GABRR3: variants seen among roughly 807,000 people sequenced by gnomAD.
GABRR3 encodes gamma-aminobutyric acid receptor subunit rho-3.
A neutral mutation model predicts 43.2 loss-of-function variants in GABRR3; 29 were observed. That is an observed-to-expected ratio of 0.67 (90% confidence interval 0.50 to 0.92). The LOEUF (loss-of-function observed/expected upper bound fraction) is 0.92, where lower values mean the gene tolerates loss of function less well. GABRR3 is among the 40% of genes least tolerant of loss of function. The pLI is 0.00. For synonymous variants in GABRR3, 206 were observed against 195.9 expected (o/e 1.05, Z -0.43); for missense variants, 576 against 572.3 (o/e 1.01, Z -0.07).
chr3:97,998,456 G>T (rs758554376), intron 8 of GABRR3: 20 of 152,102 alleles, frequency 1.3e-4, no homozygotes, highest in Non-Finnish European at 2.1e-4. Context: ...CCAATGGATT[G>T]TAATCAAAAG....
At chr3:98,008,967 T>G in exon 6 of GABRR3, 1 of 1,602,404 alleles carries the variant, frequency 6.2e-7, no homozygotes, top group Non-Finnish European at 8.5e-7. Context: ...GCTTTCCAGT[T>G]CAAGAGAACA....
At chr3:97,987,019 A>G in intron 9 of GABRR3, 37 bp from the exon 10 acceptor site, 1 of 1,341,640 alleles carries the variant, frequency 7.5e-7, no homozygotes, top group East Asian at 2.5e-5. Context: ...GGTCTTGAAT[A>G]TGGTTTTACA....
intron 3 of GABRR3, among the ~76,000 whole-genome samples, chr3:98,024,347 A>T (rs1220447872): frequency 7.0e-6 from 1 of 143,312 alleles, no homozygotes; most frequent in Non-Finnish European, 1.5e-5. Context: ...AGCCTGGGTG[A>T]CAGAGTGAGA....
chr3:97,987,889 C>T (rs375979934), intron 9 of GABRR3, among the ~76,000 whole-genome samples: 13 of 152,098 alleles, frequency 8.5e-5, no homozygotes, highest in East Asian at 3.9e-4. Context: ...TGATCATTCC[C>T]ACCTCCGCCT....
chr3:98,025,358 T>C (rs1706997399), intron 3 of GABRR3, among the ~76,000 whole-genome samples: 1 of 152,232 alleles, frequency 6.6e-6, no homozygotes, highest in African/African-American at 2.4e-5. Flanking sequence ...TTTACTACAG[T>C]GTGCATAGTA....
exon 8 of GABRR3, chr3:98,001,736 C>A (rs561176393): frequency 1.9e-6 from 3 of 1,613,022 alleles, no homozygotes; most frequent in African/African-American, 2.7e-5. Flanking sequence ...GCCTCCTTAG[C>A]ACAAAGTTGA....
chr3:97,986,866 C>T, exon 10 of GABRR3: 1 of 1,612,106 alleles, frequency 6.2e-7, no homozygotes, highest in Non-Finnish European at 8.5e-7. Context: ...ATTTTCTTCT[C>T]ATGAAGTCTT....
At chr3:98,008,016 T>G in intron 6 of GABRR3, 112 bp from the exon 7 acceptor site, 1 of 806,396 alleles carries the variant, frequency 1.2e-6, no homozygotes, top group Non-Finnish European at 1.9e-6. Flanking sequence ...TCCAATGACA[T>G]GTACATATTA....
intron 8 of GABRR3, among the ~76,000 whole-genome samples, chr3:97,994,213 T>C (rs1323271585): frequency 1.3e-5 from 2 of 152,240 alleles, no homozygotes; most frequent in Non-Finnish European, 2.9e-5. Flanking sequence ...TGTGGACTGC[T>C]TTCACCAACA....
intron 9 of GABRR3, 61 bp from the exon 10 acceptor site, chr3:97,987,043 G>A (rs1706397358): frequency 9.2e-7 from 1 of 1,087,762 alleles, no homozygotes; most frequent in South Asian, 1.7e-5. Flanking sequence ...AGGAATTATG[G>A]TAAATAATGT....
intron 2 of GABRR3, among the ~76,000 whole-genome samples, chr3:98,030,182 AC>A (rs1308555872): frequency 6.6e-6 from 1 of 151,472 alleles, no homozygotes; most frequent in East Asian, 1.9e-4. Context: ...ATATTGGTAA[AC>A]TCCCCTAGAA....
At chr3:98,034,770 T>A in intron 2 of GABRR3, 93 bp downstream of exon 2, 4 of 1,461,326 alleles carry the variant, frequency 2.7e-6, no homozygotes, top group Non-Finnish European at 3.8e-6. Flanking sequence ...TGTGCTACCA[T>A]TAAAGATACG....
chr3:98,011,838 T>C (rs1011485809), intron 5 of GABRR3, among the ~76,000 whole-genome samples: 2 of 152,082 alleles, frequency 1.3e-5, no homozygotes, highest in African/African-American at 2.4e-5. Context: ...TATGGAACAT[T>C]AAAAAGGGAG....
At chr3:98,020,865 T>G (rs909333363) in intron 3 of GABRR3, among the ~76,000 whole-genome samples, 2 of 122,918 alleles carry the variant, frequency 1.6e-5, no homozygotes, top group African/African-American at 6.6e-5. Context: ...TTTCTTTTTC[T>G]TTTTCTTTTT....
chr3:97,995,252 C>T (rs973778470), intron 8 of GABRR3, among the ~76,000 whole-genome samples: 1 of 152,198 alleles, frequency 6.6e-6, no homozygotes, highest in Non-Finnish European at 1.5e-5. Context: ...GCTGGGATTA[C>T]AGGCATGAGC....
At chr3:98,026,452 A>G (rs939406199) in intron 2 of GABRR3, among the ~76,000 whole-genome samples, 1 of 152,082 alleles carries the variant, frequency 6.6e-6, no homozygotes, top group Middle Eastern at 3.4e-3. Flanking sequence ...GACCTCCCTG[A>G]TTTGTTTTCT....
intron 3 of GABRR3, 115 bp downstream of exon 3, chr3:98,025,451 CT>C (rs910954177): frequency 1.3e-5 from 8 of 627,786 alleles, no homozygotes; most frequent in Admixed American, 1.0e-4. Flanking sequence ...TAAAAGCCTT[CT>C]TTTTTTGTTT....
intron 9 of GABRR3, among the ~76,000 whole-genome samples, chr3:97,989,861 A>T (rs1203993578): frequency 6.6e-6 from 1 of 152,188 alleles, no homozygotes; most frequent in Non-Finnish European, 1.5e-5. Context: ...TCCTGCTCAC[A>T]GACCTAAGCA....
At chr3:97,992,062 A>C (rs949087880) in intron 9 of GABRR3, among the ~76,000 whole-genome samples, 17 of 152,174 alleles carry the variant, frequency 1.1e-4, no homozygotes, top group Admixed American at 1.0e-3. Flanking sequence ...AGTTCTTGTA[A>C]AAGCAGGAAA....
Sources: allele counts gnomAD v4.1 joint callset (sites outside exome capture counted in the v4.1 genomes callset), GRCh38; gene constraint gnomAD v4.1.1; transcripts MANE v1.5; gene names NCBI Gene and HGNC (gene_info 2026-07-23, HGNC 2026-07-21).